The following BRCA1 variants were observed in gnomAD, a reference collection of about 807,000 sequenced individuals.
The protein encoded by BRCA1 is breast cancer type 1 susceptibility protein.
A neutral mutation model predicts 173.7 loss-of-function variants in BRCA1; 140 were observed. The ratio of observed to expected loss-of-function variants is 0.81; its 90% confidence interval spans 0.70 to 0.93. BRCA1 has a LOEUF of 0.93. Among genes scored for constraint, BRCA1 ranks in the 40% least tolerant of loss-of-function variants. The probability of loss-of-function intolerance (pLI) is 0.00; values close to 1 mark genes in which losing one functional copy is unlikely to be tolerated. For missense variants in BRCA1, 1,983 were observed against 2,172.5 expected (o/e 0.91, Z 1.73); for synonymous variants, 662 against 756.0 (o/e 0.88, Z 2.04).
rs748156170 is a variant in BRCA1 at position 43,094,549 on chromosome 17, A to G, written c.982T>C (p.Cys328Arg). The change falls in exon 10 of 23, where the codon TGT (cysteine) becomes CGT (arginine). Residue 328 changes from cysteine to arginine, a missense_variant. Coordinates refer to ENST00000357654, the MANE Select transcript of BRCA1 (RefSeq NM_007294.4). ...HNRWAGSKET[C>R]NDRRTPSTEK... ...GTGCTGGGAGTCCGCCTATCATTAC[A>G]TGTTTCCTTACTTCCAGCCCATCTG... 3.7e-6 allele frequency: 6 copies of G among 1,613,992 alleles called. No individual in the cohort carries two copies. Among genetic ancestry groups the G allele is most frequent in the African/African-American group, 1.3e-5 (1 of 74,902 alleles).
intron 12 of BRCA1, among the ~76,000 whole-genome samples, chr17:43,080,217 A>G (rs1465853348): frequency 6.6e-6 from 1 of 152,202 alleles, no homozygotes; most frequent in East Asian, 1.9e-4. Flanking sequence ...CAGACTGCCC[A>G]CTGTGTGCTA....
intron 1 of BRCA1, among the ~76,000 whole-genome samples, chr17:43,133,887 G>C (rs1216609239): frequency 1.3e-5 from 2 of 152,062 alleles, no homozygotes; most frequent in East Asian, 3.9e-4. Flanking sequence ...CGCCTGCCTC[G>C]GACACTCAAA....
chr17:43,092,248 T>C lies in BRCA1; in HGVS notation c.3283A>G (p.Lys1095Glu). The C allele has an allele frequency of 6.2e-7, 1 of 1,613,766 alleles. No homozygotes were observed. Among genetic ancestry groups the C allele is most frequent in the East Asian group, 2.2e-5 (1 of 44,872 alleles). The change falls in exon 10 of 23, where the codon AAA (lysine) becomes GAA (glutamate). Residue 1095 changes from lysine to glutamate, a missense_variant. By Grantham distance (56) the Lys-to-Glu change is moderately conservative. Coordinates refer to ENST00000357654, the MANE Select transcript of BRCA1 (RefSeq NM_007294.4). ...RLGVLQPEVY[K>E]QSLPGSNCKH... ...CAATTACTTCCAGGAAGACTTTGTT[T>C]ATAGACCTCAGGTTGCAAAACCCCT...
rs80356941 is a variant in BRCA1, at chr17:43,092,733, C to T, written c.2798G>A (p.Gly933Asp). Residue 933 changes from glycine (G) to aspartate (D), a missense_variant, in exon 10 of 23, where the codon GGT becomes GAT. Transcript: ENST00000357654. The stretch of plus-strand genomic sequence containing the variant: ...ATTATCAACTGGCTTATCTTTCTGA[C>T]CAACCACAGGAAAGCCTGCAGTGAT... ...VNITAGFPVVGQKDKPVDNAK... is the reference protein window; with the variant it reads ...VNITAGFPVVDQKDKPVDNAK... 1.5e-5 allele frequency: 24 copies of T among 1,614,098 alleles called. No individual in the cohort carries two copies. The highest frequency in any genetic ancestry group is 2.0e-5 in the Non-Finnish European group (24 of 1,179,994).
At chr17:43,151,148 C>T (rs2056158895) in intron 1 of BRCA1, among the ~76,000 whole-genome samples, 1 of 152,204 alleles carries the variant, frequency 6.6e-6, no homozygotes, top group African/African-American at 2.4e-5. Flanking sequence ...TTTAAAATCA[C>T]AGGCTGGAGA....
At chr17:43,106,207 T>G (rs976877957) in intron 4 of BRCA1, among the ~76,000 whole-genome samples, 1 of 152,018 alleles carries the variant, frequency 6.6e-6, no homozygotes, top group Non-Finnish European at 1.5e-5. Flanking sequence ...ACAGCCCTAC[T>G]TTACATAAGT....
intron 12 of BRCA1, among the ~76,000 whole-genome samples, chr17:43,077,883 G>A (rs2052813037): frequency 6.6e-6 from 1 of 151,256 alleles, no homozygotes; most frequent in African/African-American, 2.4e-5. Flanking sequence ...TTACAGGTAT[G>A]CACCACCTCG....
intron 22 of BRCA1, among the ~76,000 whole-genome samples, chr17:43,046,268 T>C (rs2050914560): frequency 6.8e-6 from 1 of 146,252 alleles, no homozygotes; most frequent in Non-Finnish European, 1.5e-5. Flanking sequence ...CTTGCTCTTG[T>C]TGCTCAGCCT....
At chr17:43,057,537 T>TAA (rs1234118104) in intron 18 of BRCA1, among the ~76,000 whole-genome samples, 2 of 129,056 alleles carry the variant, frequency 1.5e-5, no homozygotes, top group African/African-American at 5.7e-5. Flanking sequence ...AAAATAAAAT[T>TAA]AAAAAAAAAA....
At chr17:43,110,550 T>G (rs755342376) in intron 3 of BRCA1, 5 of 442,678 alleles carry the variant, frequency 1.1e-5, no homozygotes, top group South Asian at 6.3e-5. Flanking sequence ...ATCGCACCAC[T>G]GTACTCCAGC....
chr17:43,149,651 G>C (rs908002543), intron 1 of BRCA1, among the ~76,000 whole-genome samples: 1 of 152,310 alleles, frequency 6.6e-6, no homozygotes, highest in African/African-American at 2.4e-5. Context: ...TATGAAGCAT[G>C]ATCAATCAGT....
At chr17:43,064,076 A>G in intron 16 of BRCA1, 125 bp from the exon 17 acceptor site, 3 of 783,354 alleles carry the variant, frequency 3.8e-6, no homozygotes, top group Non-Finnish European at 6.6e-6. Context: ...TGATTCTAAA[A>G]CCCCTGGTGA....
At chr17:43,101,345 C>T (rs889512403) in intron 6 of BRCA1, among the ~76,000 whole-genome samples, 5 of 150,546 alleles carry the variant, frequency 3.3e-5, no homozygotes, top group African/African-American at 1.2e-4. Flanking sequence ...TACATGCGCA[C>T]GCCACCATGC....
At chr17:43,091,229 A>T in intron 10 of BRCA1, 197 bp from the exon 11 acceptor site, 1 of 859,946 alleles carries the variant, frequency 1.2e-6, no homozygotes, top group Non-Finnish European at 1.9e-6. Flanking sequence ...TTAGGATGTT[A>T]AAGCTCATTC....
chr17:43,050,443 C>T (rs1199147628), intron 20 of BRCA1, among the ~76,000 whole-genome samples: 1 of 150,868 alleles, frequency 6.6e-6, no homozygotes, highest in Non-Finnish European at 1.5e-5. Flanking sequence ...CCCGTCTCTA[C>T]TAAAAAAAAA....
At chr17:43,133,611 G>T (rs1250629957) in intron 1 of BRCA1, among the ~76,000 whole-genome samples, 1 of 150,640 alleles carries the variant, frequency 6.6e-6, no homozygotes, top group Non-Finnish European at 1.5e-5. Flanking sequence ...TTCCATTCTG[G>T]CCTTCTCCCT....
At chr17:43,131,762 T>C (rs1485123561) in intron 1 of BRCA1, among the ~76,000 whole-genome samples, 2 of 152,112 alleles carry the variant, frequency 1.3e-5, no homozygotes, top group East Asian at 3.9e-4. Flanking sequence ...TTCTTTTCTT[T>C]TCTCCTTTTC....
rs1195950753 is a variant in BRCA1 at position 43,052,236 on chromosome 17, A to T, written c.5278-1119T>A. Among the ~76,000 whole-genome samples, 12 of 152,290 alleles carry T rather than the reference A, an allele frequency of 7.9e-5. No individual in the cohort carries two copies. In the East Asian group the frequency reaches 1.4e-3, roughly 17 times the overall value. Reference sequence around the variant, plus strand: ...GTCACATATAGTTATTGAGCACTGGAGATGTGGTTAGGGTGAATGAAGAAC... The same window carrying T: ...GTCACATATAGTTATTGAGCACTGGTGATGTGGTTAGGGTGAATGAAGAAC... On this transcript the variant is annotated intron_variant, in intron 19 of 22. Coordinates refer to ENST00000357654, the MANE Select transcript of BRCA1 (RefSeq NM_007294.4).
rs397507226 is a variant in BRCA1, at chr17:43,090,948, G to A, written c.4181C>T (p.Thr1394Ile). The A allele has an allele frequency of 1.2e-6, 2 of 1,609,184 alleles. No individual in the cohort carries two copies. Among genetic ancestry groups the A allele is most frequent in the African/African-American group, 2.7e-5 (2 of 74,880 alleles). ...GLSSQSDILT[T>I]QQRDTMQHNL... ...ACACACACACACGCTTTTTACCTGA[G>A]TGGTTAAAATGTCACTCTGAGAGGA... The change falls in exon 11 of 23, where the codon ACT becomes ATT. Residue 1394 changes from threonine (T) to isoleucine (I), a missense_variant. Physicochemically the swap from Thr to Ile is moderately conservative, Grantham distance 89. Transcript: ENST00000357654.
Sources: allele counts gnomAD v4.1 joint callset (sites outside exome capture counted in the v4.1 genomes callset), GRCh38; gene constraint gnomAD v4.1.1; transcripts MANE v1.5; gene names NCBI Gene and HGNC (gene_info 2026-07-23, HGNC 2026-07-21).